PCDH15: variants seen among roughly 807,000 people sequenced by gnomAD.
PCDH15 encodes the protein protocadherin related 15, also known as protocadherin-15.
Under a neutral mutation model 178.5 loss-of-function variants are expected in PCDH15, and 129 were observed. That is an observed-to-expected ratio of 0.72 (90% confidence interval 0.63 to 0.84). The LOEUF (loss-of-function observed/expected upper bound fraction) is 0.84. Ranked by LOEUF, PCDH15 falls within the 40% of genes least tolerant of loss-of-function variation. The probability of loss-of-function intolerance (pLI) is 0.00; values close to 1 mark genes in which losing one functional copy is unlikely to be tolerated. For missense variants in PCDH15, 2,230 were observed against 2,099.9 expected, an observed-to-expected ratio of 1.06 and a Z score of -1.21; for synonymous variants, 800 against 732.0, an observed-to-expected ratio of 1.09 and a Z score of -1.50.
intron 18 of PCDH15, among the ~76,000 whole-genome samples, chr10:54,046,405 T>C (rs1398796867): frequency 1.3e-5 from 2 of 152,050 alleles, no homozygotes; most frequent in Non-Finnish European, 2.9e-5. Flanking sequence ...CTCATCAACA[T>C]GAGAATGTGA....
intron 7 of PCDH15, among the ~76,000 whole-genome samples, chr10:54,321,325 C>T (rs2061591457): frequency 6.7e-6 from 1 of 150,030 alleles, no homozygotes; most frequent in African/African-American, 2.4e-5. Flanking sequence ...CTGGCTTTAA[C>T]CCACCATTTA....
intron 2 of PCDH15, among the ~76,000 whole-genome samples, chr10:55,545,769 A>C (rs1267010784): frequency 6.6e-6 from 1 of 152,192 alleles, no homozygotes; most frequent in South Asian, 2.1e-4. Flanking sequence ...ATAAATATAC[A>C]AGAAATTTAA....
At chr10:53,824,874 AAACT>A (rs1422928985) in intron 32 of PCDH15, among the ~76,000 whole-genome samples, 2 of 152,072 alleles carry the variant, frequency 1.3e-5, no homozygotes, top group African/African-American at 4.8e-5. Context: ...GAATTTTTAA[AAACT>A]AATTTAAAAA....
At chr10:54,753,859 G>GT (rs11462330) in intron 1 of PCDH15, among the ~76,000 whole-genome samples, 48,401 of 91,478 alleles carry the variant, frequency 0.53, 8,701 homozygotes, top group East Asian at 0.72. Flanking sequence ...TTTTTCTATT[G>GT]TTTTTTTTTT....
chr10:55,490,864 AG>A (rs1840397678), intron 2 of PCDH15, among the ~76,000 whole-genome samples: 1 of 151,820 alleles, frequency 6.6e-6, no homozygotes, highest in Non-Finnish European at 1.5e-5. Flanking sequence ...AGTTGTTATA[AG>A]CCAGATAAAA....
intron 14 of PCDH15, among the ~76,000 whole-genome samples, chr10:54,137,210 A>G (rs1264913319): frequency 6.6e-6 from 1 of 152,204 alleles, no homozygotes; most frequent in African/African-American, 2.4e-5. Context: ...TTTTGTATTC[A>G]TATTTTATCG....
At chr10:55,399,097 CA>C (rs1838000272) in intron 2 of PCDH15, among the ~76,000 whole-genome samples, 1 of 151,936 alleles carries the variant, frequency 6.6e-6, no homozygotes, top group South Asian at 2.1e-4. Flanking sequence ...TGTATATGTA[CA>C]AAATTCATTT....
intron 3 of PCDH15, among the ~76,000 whole-genome samples, chr10:54,388,826 C>A (rs1024600441): frequency 2.0e-5 from 3 of 152,102 alleles, no homozygotes; most frequent in African/African-American, 7.2e-5. Flanking sequence ...CAACACAAAT[C>A]CATACTGAAT....
At chr10:55,066,848 G>A (rs11004722) in intron 2 of PCDH15, among the ~76,000 whole-genome samples, 73,708 of 150,900 alleles carry the variant, frequency 0.49, 18,825 homozygotes, top group East Asian at 0.75. Context: ...TCTAATGTTC[G>A]ATAGCAGACT....
At chr10:54,291,455 C>T (rs1169428362) in intron 8 of PCDH15, among the ~76,000 whole-genome samples, 1 of 151,968 alleles carries the variant, frequency 6.6e-6, no homozygotes, top group Admixed American at 6.6e-5. Context: ...TAGCAGAAGG[C>T]AAGAAATAAG....
chr10:53,899,981 C>T (rs981455414), intron 26 of PCDH15, among the ~76,000 whole-genome samples: 10 of 82,446 alleles, frequency 1.2e-4, no homozygotes, highest in Non-Finnish European at 1.8e-4. Flanking sequence ...TTTGTTTCCT[C>T]TACTTAGACT....
chr10:55,567,477 G>C (rs555485868), intron 2 of PCDH15, among the ~76,000 whole-genome samples: 82 of 149,334 alleles, frequency 5.5e-4, no homozygotes, highest in African/African-American at 2.0e-3. Context: ...TGCATCAAAA[G>C]AAAATTATAA....
intron 7 of PCDH15, among the ~76,000 whole-genome samples, chr10:54,319,610 G>A (rs2061469834): frequency 6.6e-6 from 1 of 152,018 alleles, no homozygotes; most frequent in Admixed American, 6.6e-5. Context: ...GCACAATACT[G>A]TGAGTGTACC....
intron 1 of PCDH15, among the ~76,000 whole-genome samples, chr10:54,748,583 AATAAAG>A (rs1945782653): frequency 6.6e-6 from 1 of 152,228 alleles, no homozygotes; most frequent in Non-Finnish European, 1.5e-5. Context: ...ATCAAAATCT[AATAAAG>A]ATAAAGCACC....
chr10:54,350,738 T>C (rs1286515081), intron 5 of PCDH15, among the ~76,000 whole-genome samples: 2 of 152,118 alleles, frequency 1.3e-5, no homozygotes, highest in African/African-American at 2.4e-5. Flanking sequence ...ATCCCAGCAC[T>C]TTGGGAGGCT....
chr10:54,612,499 G>T (rs2092995542), intron 2 of PCDH15, among the ~76,000 whole-genome samples: 1 of 151,548 alleles, frequency 6.6e-6, no homozygotes, highest in Non-Finnish European at 1.5e-5. Flanking sequence ...TTGGATCTAG[G>T]TGGACTGGAG....
At chr10:54,211,492 C>T (rs2051424260) in intron 10 of PCDH15, among the ~76,000 whole-genome samples, 1 of 151,962 alleles carries the variant, frequency 6.6e-6, no homozygotes. Flanking sequence ...CAAGTTACAC[C>T]TTTACATTTT....
At chr10:53,893,984 G>T (rs1223715071) in intron 26 of PCDH15, among the ~76,000 whole-genome samples, 1 of 152,002 alleles carries the variant, frequency 6.6e-6, no homozygotes, top group Non-Finnish European at 1.5e-5. Context: ...ACAAGTGCAG[G>T]TTTGCTATAT....
intron 2 of PCDH15, among the ~76,000 whole-genome samples, chr10:54,975,547 G>C (rs1839048388): frequency 6.6e-6 from 1 of 152,134 alleles, no homozygotes; most frequent in Non-Finnish European, 1.5e-5. Context: ...ACAACTAACA[G>C]ACAAGGTAGA....
Sources: allele counts gnomAD v4.1 joint callset (sites outside exome capture counted in the v4.1 genomes callset), GRCh38; gene constraint gnomAD v4.1.1; transcripts MANE v1.5; gene names NCBI Gene and HGNC (gene_info 2026-07-23, HGNC 2026-07-21).